The following GTF2IRD1 variants were observed in gnomAD, a reference collection of about 807,000 sequenced individuals.
GTF2IRD1 encodes the protein GTF2I repeat domain containing 1.
GTF2IRD1 carries 26 observed loss-of-function variants against 113.2 expected under a neutral mutation model. The observed-to-expected ratio is 0.23, with a 90% CI of 0.17 to 0.32. The LOEUF (loss-of-function observed/expected upper bound fraction) is 0.32. Among genes scored for constraint, GTF2IRD1 ranks in the 10% least tolerant of loss-of-function variants. The probability of loss-of-function intolerance (pLI) is 1.00; values close to 1 mark genes in which losing one functional copy is unlikely to be tolerated. For synonymous variants in GTF2IRD1, 484 were observed against 529.1 expected, an observed-to-expected ratio of 0.91 and a Z score of 1.17; for missense variants, 864 against 1,280.8, an observed-to-expected ratio of 0.67 and a Z score of 4.97.
intron 17 of GTF2IRD1, 34 bp downstream of exon 17, chr7:74,547,320 C>T (rs782657167): frequency 6.5e-6 from 10 of 1,529,130 alleles, no homozygotes; most frequent in African/African-American, 2.7e-5. Flanking sequence ...GAGACAGCAC[C>T]GGCCCTGCTC....
intron 1 of GTF2IRD1, among the ~76,000 whole-genome samples, chr7:74,455,371 C>T (rs192501399): frequency 1.4e-4 from 22 of 152,180 alleles, no homozygotes; most frequent in African/African-American, 3.6e-4. Flanking sequence ...GCCACCCTGG[C>T]GCGCCGCTGC....
rs369347216 is a variant in GTF2IRD1, at chr7:74,591,167, T to C, written c.2591+150T>C. On this transcript the variant is annotated intron_variant, in intron 24 of 26. Coordinates refer to ENST00000424337, the MANE Select transcript of GTF2IRD1 (RefSeq NM_005685.4). ...CTCCTGAAACATACAACTTCAACAG[T>C]CATGGACATTTACTTATTTTTAAAG... 1.2e-4 allele frequency: 54 copies of C among 443,546 alleles called. 1 individual carries two copies. In the East Asian group the frequency reaches 1.3e-3, roughly 11 times the overall value. The allele number at this position is 443,546 out of a possible 1,614,324, so 27.5% of individuals were successfully genotyped here.
At chr7:74,563,001 A>G (rs1465322040) in intron 22 of GTF2IRD1, among the ~76,000 whole-genome samples, 13 of 152,170 alleles carry the variant, frequency 8.5e-5, no homozygotes, top group Admixed American at 2.6e-4. Flanking sequence ...AAAGCCCCCA[A>G]TGCAGAGTGG....
chr7:74,488,589 C>G (rs1207507482), intron 1 of GTF2IRD1, among the ~76,000 whole-genome samples: 1 of 151,748 alleles, frequency 6.6e-6, no homozygotes, highest in Non-Finnish European at 1.5e-5. Context: ...GAGACCCTGT[C>G]TCTAACAAGA....
At chr7:74,496,300 ATGTGTG>A (rs535820430) in intron 1 of GTF2IRD1, among the ~76,000 whole-genome samples, 11 of 105,968 alleles carry the variant, frequency 1.0e-4, no homozygotes, top group Admixed American at 3.1e-4. Flanking sequence ...GTGGGTGTGC[ATGTGTG>A]TGGGGGTGGG....
At chr7:74,460,254 G>T (rs1246850631) in intron 1 of GTF2IRD1, among the ~76,000 whole-genome samples, 2 of 150,634 alleles carry the variant, frequency 1.3e-5, no homozygotes, top group Non-Finnish European at 2.9e-5. Flanking sequence ...CAGCCAGCAG[G>T]GTCCTTTTTC....
intron 1 of GTF2IRD1, among the ~76,000 whole-genome samples, chr7:74,473,492 A>G (rs1794225775): frequency 6.6e-6 from 1 of 151,746 alleles, no homozygotes; most frequent in Non-Finnish European, 1.5e-5. Flanking sequence ...TGGAACAGTC[A>G]TAGCTCACTG....
intron 8 of GTF2IRD1, among the ~76,000 whole-genome samples, chr7:74,524,805 C>T (rs1797507218): frequency 6.6e-6 from 1 of 152,174 alleles, no homozygotes; most frequent in Non-Finnish European, 1.5e-5. Context: ...GTGCAGGTTG[C>T]AGTGAGTCGA....
chr7:74,519,606 G>A lies in GTF2IRD1; in HGVS notation c.803G>A (p.Arg268Gln), dbSNP rs147773285. 4.0e-5 allele frequency: 64 copies of A among 1,612,404 alleles called. No individual in the cohort carries two copies. The African/African-American group carries it at 4.7e-4, about 12-fold the overall frequency. ...ACGGCGCTCCCCAACCACGCCATCC[G>A]AGAGCTCAAGCAGGAAGCACCTTCC... is the stretch of plus-strand genomic sequence containing the variant. ...YSTALPNHAI[R>Q]ELKQEAPSCP... Residue 268 changes from arginine to glutamine, a missense_variant, in exon 6 of 27, where the codon CGA becomes CAA. By Grantham distance (43) the Arg-to-Gln change is conservative. Coordinates refer to ENST00000424337, the MANE Select transcript of GTF2IRD1 (RefSeq NM_005685.4).
chr7:74,454,367 G>A (rs902247299), intron 1 of GTF2IRD1, among the ~76,000 whole-genome samples, 191 bp downstream of exon 1: 2 of 151,794 alleles, frequency 1.3e-5, no homozygotes, highest in African/African-American at 4.8e-5. Context: ...CGGGCCCGGG[G>A]GGAGGGGAGG....
intron 11 of GTF2IRD1, among the ~76,000 whole-genome samples, chr7:74,537,228 G>A (rs1350316680): frequency 3.3e-5 from 5 of 152,116 alleles, no homozygotes; most frequent in East Asian, 1.9e-4. Context: ...TGGCCAACAT[G>A]GCAAAACCCC....
intron 1 of GTF2IRD1, among the ~76,000 whole-genome samples, chr7:74,485,979 T>C (rs1795000513): frequency 6.7e-6 from 1 of 149,498 alleles, no homozygotes; most frequent in African/African-American, 2.4e-5. Context: ...ATCTGTTTCT[T>C]TTTTTTTTTG....
chr7:74,543,979 GTT>G (rs1798780933), intron 14 of GTF2IRD1, among the ~76,000 whole-genome samples: 1 of 151,882 alleles, frequency 6.6e-6, no homozygotes, highest in African/African-American at 2.4e-5. Context: ...AGCCCAAGAG[GTT>G]GAGGCTGTAG....
intron 7 of GTF2IRD1, among the ~76,000 whole-genome samples, chr7:74,523,811 G>A (rs587752664): frequency 1.8e-3 from 273 of 152,256 alleles, no homozygotes; most frequent in African/African-American, 6.0e-3. Flanking sequence ...GGATGGGCTC[G>A]GGATGGACAG....
At chr7:74,509,487 C>T (rs889437229) in intron 2 of GTF2IRD1, among the ~76,000 whole-genome samples, 1 of 150,490 alleles carries the variant, frequency 6.6e-6, no homozygotes, top group Non-Finnish European at 1.5e-5. Context: ...GAACCGAGAT[C>T]GTGCCACTGC....
chr7:74,544,425 A>G (rs1798808632), intron 14 of GTF2IRD1, among the ~76,000 whole-genome samples: 1 of 152,126 alleles, frequency 6.6e-6, no homozygotes, highest in Admixed American at 6.6e-5. Flanking sequence ...GCCTCAAGTA[A>G]TCCACCCATC....
chr7:74,534,142 A>G (rs935747532), intron 9 of GTF2IRD1, among the ~76,000 whole-genome samples: 1 of 152,184 alleles, frequency 6.6e-6, no homozygotes, highest in African/African-American at 2.4e-5. Context: ...AAGTTGGGCA[A>G]AAGCCCTCAG....
At chr7:74,591,663 A>G (rs1426343831) in intron 24 of GTF2IRD1, among the ~76,000 whole-genome samples, 10 of 152,152 alleles carry the variant, frequency 6.6e-5, no homozygotes, top group Admixed American at 2.0e-4. Context: ...TACAGGCGTG[A>G]GCCACTGCAC....
Position 74,524,451 on chromosome 7 carries a change from G to A in GTF2IRD1, c.1090+297G>A, listed in dbSNP as rs587750957. On this transcript the variant is annotated intron_variant, in intron 8 of 26. Coordinates refer to ENST00000424337, the MANE Select transcript of GTF2IRD1 (RefSeq NM_005685.4). ...GAGATTACCCATCTGGGGGCCGGGC[G>A]CAGTGGCTCATGCCTGTCATCCCAG... Among the ~76,000 whole-genome samples the A allele has an allele frequency of 3.3e-5, 5 of 152,290 alleles. No homozygotes were observed. In the East Asian group the frequency reaches 7.7e-4, roughly 24 times the overall value.
Sources: allele counts gnomAD v4.1 joint callset (sites outside exome capture counted in the v4.1 genomes callset), GRCh38; gene constraint gnomAD v4.1.1; transcripts MANE v1.5; gene names NCBI Gene and HGNC (gene_info 2026-07-23, HGNC 2026-07-21).